The following RBM24 variants were observed in gnomAD, a reference collection of about 807,000 sequenced individuals.
RBM24 encodes RNA-binding protein 24.
Under a neutral mutation model 23.6 loss-of-function variants are expected in RBM24, and 5 were observed. The observed-to-expected ratio is 0.21, with a 90% CI of 0.11 to 0.45. The LOEUF is 0.45. Among genes scored for constraint, RBM24 ranks in the 20% least tolerant of loss-of-function variants. The probability of loss-of-function intolerance (pLI) is 0.99; values close to 1 mark genes in which losing one functional copy is unlikely to be tolerated. For synonymous variants in RBM24, 151 were observed against 129.5 expected (o/e 1.17, Z -1.13); for missense variants, 252 against 314.6 (o/e 0.80, Z 1.51).
intron 3 of RBM24, among the ~76,000 whole-genome samples, chr6:17,286,524 G>T (rs1760204475): frequency 6.6e-6 from 1 of 152,188 alleles, no homozygotes; most frequent in Non-Finnish European, 1.5e-5. Context: ...GATGCAAAAT[G>T]AGGGAATTGC....
Position 17,292,936 on chromosome 6 carries a change from T to C in RBM24, c.*817T>C, listed in dbSNP as rs1338747541. ...ATCTGCTGGTGTCAGCAATTCTGATTCTGAAATAGGATCAGGCTTTTACTA... is the reference window on the plus strand; with the variant it reads ...ATCTGCTGGTGTCAGCAATTCTGATCCTGAAATAGGATCAGGCTTTTACTA... On this transcript the variant is annotated 3_prime_UTR_variant, in exon 4 of 4. Transcript: ENST00000379052. The C allele has an allele frequency of 2.0e-5, 3 of 152,298 alleles. No homozygotes were observed. The highest frequency in any genetic ancestry group is 2.9e-5 in the Non-Finnish European group (2 of 68,050). The allele number at this position is 152,298 out of a possible 1,614,324, so 9.4% of individuals were successfully genotyped here.
At chr6:17,288,817 G>T (rs1760271079) in intron 3 of RBM24, 10 of 985,456 alleles carry the variant, frequency 1.0e-5, no homozygotes, top group Non-Finnish European at 1.2e-5. Context: ...GGAGCCAGGG[G>T]CAGTCTGGAT....
At chr6:17,282,398 T>G (rs1192109575) in intron 1 of RBM24, 2 of 593,032 alleles carry the variant, frequency 3.4e-6, no homozygotes, top group Non-Finnish European at 5.7e-6. Flanking sequence ...GTTGGGCGGA[T>G]GTAAGGCTGG....
chr6:17,283,976 T>C (rs1016589314), intron 2 of RBM24, among the ~76,000 whole-genome samples: 1 of 152,156 alleles, frequency 6.6e-6, no homozygotes, highest in Admixed American at 6.5e-5. Context: ...TAAGCAAATA[T>C]AATATTTTCT....
In RBM24 at chr6:17,281,610, A is replaced by C; in HGVS notation, c.29A>C (p.Tyr10Ser). 3 of 1,548,520 alleles carry C rather than the reference A, an allele frequency of 1.9e-6. No individual in the cohort carries two copies. The highest frequency in any genetic ancestry group is 2.6e-6 in the Non-Finnish European group (3 of 1,146,200). The change falls in exon 1 of 4, where the codon TAC becomes TCC. Residue 10 changes from tyrosine (Y) to serine (S), a missense_variant. Transcript: ENST00000379052. This position sits in a 1 kb window ranked among gnomAD's most constrained non-coding sequence, Gnocchi z 7.1. MHTTQKDTT[Y>S]TKIFVGGLPY... ...CACACGACCCAGAAGGACACGACGT[A>C]CACCAAGATCTTCGTCGGGGGGCTG...
intron 3 of RBM24, among the ~76,000 whole-genome samples, chr6:17,286,850 T>C (rs944871678): frequency 6.6e-6 from 1 of 152,190 alleles, no homozygotes; most frequent in African/African-American, 2.4e-5. Flanking sequence ...TCTTGAGAGC[T>C]GGGCATAGGA....
chr6:17,292,069 G>A lies in RBM24; in HGVS notation c.661G>A (p.Ala221Thr). The A allele has an allele frequency of 6.3e-7, 1 of 1,591,764 alleles. No homozygotes were observed. Among genetic ancestry groups the A allele is most frequent in the Middle Eastern group, 1.7e-4 (1 of 6,024 alleles). The stretch of plus-strand genomic sequence containing the variant: ...CGCTGCAGCAGCTGCTGCCGCTGCA[G>A]CATTTGGCCAGTACCAGCCTCAGCA... ...AAAAAAAAAA[A>T]FGQYQPQQLQ... The change falls in exon 4 of 4, where the codon GCA becomes ACA. Residue 221 changes from alanine (A) to threonine (T), a missense_variant. Physicochemically the swap from Ala to Thr is moderately conservative, Grantham distance 58. Coordinates refer to ENST00000379052, the MANE Select transcript of RBM24 (RefSeq NM_001143942.2).
At position 17,284,722 on chromosome 6, in the gene RBM24, T is replaced by A. The variant is rs1480114116; in HGVS notation, c.347+11T>A. 4 of 1,606,318 alleles carry A rather than the reference T, an allele frequency of 2.5e-6. No individual in the cohort carries two copies. The highest frequency in any genetic ancestry group is 3.4e-6 in the Non-Finnish European group (4 of 1,175,284). On this transcript the variant is annotated intron_variant, in intron 3 of 3. Coordinates refer to ENST00000379052, the MANE Select transcript of RBM24 (RefSeq NM_001143942.2). Reference sequence around the variant, plus strand: ...ACAAAGACCTTTCGGGTAAGTTGATTAATCAGGCTTTCTTAAGTTTCAGTA... The same window carrying A: ...ACAAAGACCTTTCGGGTAAGTTGATAAATCAGGCTTTCTTAAGTTTCAGTA...
At position 17,281,831 on chromosome 6, in the gene RBM24, C is replaced by G. The variant is rs1047996734; in HGVS notation, c.168+82C>G. 249 of 1,499,114 alleles carry G rather than the reference C, an allele frequency of 1.7e-4. No homozygotes were observed. The highest frequency in any genetic ancestry group is 1.9e-4 in the Non-Finnish European group (215 of 1,107,702). 92.9% of individuals were successfully genotyped at this position (1,499,114 alleles called of 1,614,324 possible). On this transcript the variant is annotated intron_variant, in intron 1 of 3. Transcript: ENST00000379052. The surrounding 1 kb of genome is among the most constrained non-coding windows in gnomAD (Gnocchi z 7.1). ...GATCGGGAGCTTGGAGTGAGGGGCT[C>G]GGCGTGACCCGTGAGGAGCCCCGCG...
chr6:17,281,998 G>A lies in RBM24; in HGVS notation c.168+249G>A, dbSNP rs1369103727. On this transcript the variant is annotated intron_variant, in intron 1 of 3. Coordinates refer to ENST00000379052, the MANE Select transcript of RBM24 (RefSeq NM_001143942.2). This position sits in a 1 kb window ranked among gnomAD's most constrained non-coding sequence, Gnocchi z 7.1. ...GGGCAGGGCAGAGCAGGGGTGAAAGGAGAGACCTGTAATGACGGCGGGATT... is the reference window on the plus strand; with the variant it reads ...GGGCAGGGCAGAGCAGGGGTGAAAGAAGAGACCTGTAATGACGGCGGGATT... The A allele has an allele frequency of 7.4e-7, 1 of 1,359,172 alleles. No homozygotes were observed. Among genetic ancestry groups the A allele is most frequent in the Non-Finnish European group, 9.5e-7 (1 of 1,050,746 alleles). The allele number at this position is 1,359,172 out of a possible 1,614,324, so 84.2% of individuals were successfully genotyped here.
Position 17,292,216 on chromosome 6 carries a change from T to TAA in RBM24, c.*97_*98insAA. The TAA allele has an allele frequency of 8.5e-7, 1 of 1,180,724 alleles. No homozygotes were observed. The highest frequency in any genetic ancestry group is 1.1e-6 in the Non-Finnish European group (1 of 877,746). The allele number at this position is 1,180,724 out of a possible 1,614,324, so 73.1% of individuals were successfully genotyped here. On this transcript the variant is annotated 3_prime_UTR_variant, in exon 4 of 4. Transcript: ENST00000379052. ...GAGAGTTAACATTGACTTAACAGCT[T>TAA]TAAAAAAAAAAACAGCCATGCTATT...
Position 17,282,810 on chromosome 6 carries a change from C to T in RBM24, c.174C>T (p.Thr58=), listed in dbSNP as rs1760068575. 1.2e-6 allele frequency: 2 copies of T among 1,614,014 alleles called. No individual in the cohort carries two copies. Among genetic ancestry groups the T allele is most frequent in the Non-Finnish European group, 1.7e-6 (2 of 1,179,980 alleles). ...TGKSRGYGFV[T]MADRAAAERA... ...TGTGTGTGTCTGTTGCTAAGGTCACCATGGCTGACCGGGCTGCTGCCGAAA... is the reference window on the plus strand; with the variant it reads ...TGTGTGTGTCTGTTGCTAAGGTCACTATGGCTGACCGGGCTGCTGCCGAAA... Residue 58 remains threonine (T), a synonymous_variant, in exon 2 of 4, where the codon ACC becomes ACT. Coordinates refer to ENST00000379052, the MANE Select transcript of RBM24 (RefSeq NM_001143942.2).
intron 3 of RBM24, chr6:17,285,311 T>G (rs1760160499): frequency 6.6e-6 from 1 of 152,256 alleles, no homozygotes; most frequent in African/African-American, 2.4e-5. Flanking sequence ...TGAAAAGAGC[T>G]GTAGTGAAAG....
At chr6:17,282,699 T>C (rs2113394072) in intron 1 of RBM24, 106 bp from the exon 2 acceptor site, 3 of 1,466,118 alleles carry the variant, frequency 2.0e-6, no homozygotes, top group South Asian at 2.5e-5. Context: ...GAAAAAAAGT[T>C]TGATCTCAGT....
intron 3 of RBM24, among the ~76,000 whole-genome samples, chr6:17,287,662 T>C (rs1446132715): frequency 6.6e-6 from 1 of 151,740 alleles, no homozygotes; most frequent in Non-Finnish European, 1.5e-5. Context: ...TACAAAAAAT[T>C]AGCTGGGCGT....
At position 17,290,060 on chromosome 6, in the gene RBM24, A is replaced by G. The variant is rs543453672; in HGVS notation, c.348-1696A>G. ...TTTCTCCTGGCACTGGGAAACATCT[A>G]CAAGTCTGGTAAAATTGAGTGTATT... is the stretch of plus-strand genomic sequence containing the variant. On this transcript the variant is annotated intron_variant, in intron 3 of 3. Coordinates refer to ENST00000379052, the MANE Select transcript of RBM24 (RefSeq NM_001143942.2). The G allele has an allele frequency of 7.8e-5, 100 of 1,289,366 alleles. 1 individual carries two copies. In the Admixed American group the frequency reaches 9.0e-4, roughly 12 times the overall value. 79.9% of individuals were successfully genotyped at this position (1,289,366 alleles called of 1,614,324 possible).
At position 17,292,126 on chromosome 6, in the gene RBM24, C is replaced by A; in HGVS notation, c.*7C>A. ...GACAGACCGAATGCAATAGACCAGC[C>A]ATCTGATCAAAGTTGAATTGTTTTC... On this transcript the variant is annotated 3_prime_UTR_variant, in exon 4 of 4. Transcript: ENST00000379052. The A allele has an allele frequency of 6.7e-7, 1 of 1,494,966 alleles. No individual in the cohort carries two copies. The highest frequency in any genetic ancestry group is 1.3e-5 in the South Asian group (1 of 75,134). 92.6% of individuals were successfully genotyped at this position (1,494,966 alleles called of 1,614,324 possible).
chr6:17,290,047 C>G (rs574355196), intron 3 of RBM24: 2 of 1,289,370 alleles, frequency 1.6e-6, no homozygotes, highest in South Asian at 1.2e-5. Flanking sequence ...TCTCCTGGCA[C>G]TGGGAAACAT....
chr6:17,292,202 T>A lies in RBM24; in HGVS notation c.*83T>A. ...TTAGTAGCTAATAAGAGAGTTAACATTGACTTAACAGCTTTAAAAAAAAAA... is the reference window on the plus strand; with the variant it reads ...TTAGTAGCTAATAAGAGAGTTAACAATGACTTAACAGCTTTAAAAAAAAAA... On this transcript the variant is annotated 3_prime_UTR_variant, in exon 4 of 4. Coordinates refer to ENST00000379052, the MANE Select transcript of RBM24 (RefSeq NM_001143942.2). The A allele has an allele frequency of 7.6e-7, 1 of 1,315,452 alleles. No homozygotes were observed. The allele number at this position is 1,315,452 out of a possible 1,614,324, so 81.5% of individuals were successfully genotyped here. A position where few individuals can be genotyped will look rare whatever the true frequency, so the allele number is the denominator to read the frequency against.
Sources: allele counts gnomAD v4.1 joint callset (sites outside exome capture counted in the v4.1 genomes callset), GRCh38; gene constraint gnomAD v4.1.1; non-coding constraint Gnocchi (gnomAD v3.1); transcripts MANE v1.5; gene names NCBI Gene and HGNC (gene_info 2026-07-23, HGNC 2026-07-21).